MYH2: variants seen among roughly 807,000 people sequenced by gnomAD.
MYH2 encodes the protein myosin-2.
A neutral mutation model predicts 228.1 loss-of-function variants in MYH2; 139 were observed. The observed-to-expected ratio is 0.61, with a 90% CI of 0.53 to 0.70. The LOEUF (loss-of-function observed/expected upper bound fraction) is 0.70. MYH2 is among the 30% of genes least tolerant of loss of function. The probability of loss-of-function intolerance (pLI) is 0.00; values close to 1 mark genes in which losing one functional copy is unlikely to be tolerated. For missense variants in MYH2, 1,809 were observed against 2,357.5 expected, an observed-to-expected ratio of 0.77 and a Z score of 4.82; for synonymous variants, 796 against 871.1, an observed-to-expected ratio of 0.91 and a Z score of 1.52.
intron 22 of MYH2, among the ~76,000 whole-genome samples, 192 bp downstream of exon 22, chr17:10,531,440 GC>G (rs1873433706): frequency 6.6e-6 from 1 of 152,162 alleles, no homozygotes. Context: ...CTACCTCACT[GC>G]CCTGGTGCTG....
In MYH2 at chr17:10,526,805, C is replaced by T; in HGVS notation, c.3991-10G>A. On this transcript the variant is annotated splice_polypyrimidine_tract_variant and intron_variant, in intron 29 of 39. Coordinates refer to ENST00000245503, the MANE Select transcript of MYH2 (RefSeq NM_017534.6). ...CCAGGGCGTTCTTGGCCTATGGAGG[C>T]AGTTACACCTTCATTTTACTGGATA... is the stretch of plus-strand genomic sequence containing the variant. The T allele has an allele frequency of 6.2e-7, 1 of 1,614,252 alleles. No homozygotes were observed. Among genetic ancestry groups the T allele is most frequent in the Non-Finnish European group, 8.5e-7 (1 of 1,180,048 alleles).
Position 10,525,107 on chromosome 17 carries a change from C to T in MYH2, c.4663-42G>A. 6.2e-7 allele frequency: 1 copy of T among 1,614,050 alleles called. No homozygotes were observed. Among genetic ancestry groups the T allele is most frequent in the Non-Finnish European group, 8.5e-7 (1 of 1,180,008 alleles). On this transcript the variant is annotated intron_variant, in intron 33 of 39. Transcript: ENST00000245503. The surrounding 1 kb of genome is among the most constrained non-coding windows in gnomAD (Gnocchi z 4.2). ...GGTGACATTAGCAAGGAACCAAAAG[C>T]TTTATGAAGTTTTTCTGCACAGCAA... is the stretch of plus-strand genomic sequence containing the variant.
At position 10,522,171 on chromosome 17, in the gene MYH2, A is replaced by G. The variant is rs555026379; in HGVS notation, c.5674-739T>C. The stretch of plus-strand genomic sequence containing the variant: ...TTTTCCCATGCTCTTGAACAGCTAC[A>G]TAGCTGGGGGATTATCTGTTCCTTG... On this transcript the variant is annotated intron_variant, in intron 39 of 39. Coordinates refer to ENST00000245503, the MANE Select transcript of MYH2 (RefSeq NM_017534.6). Among the ~76,000 whole-genome samples, 7 of 152,324 alleles carry G rather than the reference A, an allele frequency of 4.6e-5. No homozygotes were observed. The East Asian group carries it at 1.2e-3, about 25-fold the overall frequency.
chr17:10,533,926 G>T (rs9891328), intron 19 of MYH2, among the ~76,000 whole-genome samples: 61 of 152,138 alleles, frequency 4.0e-4, no homozygotes, highest in Non-Finnish European at 7.2e-4. Context: ...AATGTAATCT[G>T]TTATCTTTAC....
Position 10,524,335 on chromosome 17 carries a change from T to C in MYH2, c.5175+131A>G, listed in dbSNP as rs919002986. On this transcript the variant is annotated intron_variant, in intron 35 of 39. Coordinates refer to ENST00000245503, the MANE Select transcript of MYH2 (RefSeq NM_017534.6). This position sits in a 1 kb window ranked among gnomAD's most constrained non-coding sequence, Gnocchi z 4.7. ...TGAAAGATTTCTCAGTAATGCAGAA[T>C]TACTATTCTGTATTATTTGAAAAGA... 8.1e-7 allele frequency: 1 copy of C among 1,229,140 alleles called. No individual in the cohort carries two copies. Among genetic ancestry groups the C allele is most frequent in the African/African-American group, 1.5e-5 (1 of 66,622 alleles). The allele number at this position is 1,229,140 out of a possible 1,614,324, so 76.1% of individuals were successfully genotyped here. A position where few individuals can be genotyped will look rare whatever the true frequency, so the allele number is the denominator to read the frequency against.
In MYH2 at chr17:10,525,337, C is replaced by T. The variant is rs1387552972; in HGVS notation, c.4549G>A (p.Asp1517Asn). 2 of 1,614,002 alleles carry T rather than the reference C, an allele frequency of 1.2e-6. No homozygotes were observed. The highest frequency in any genetic ancestry group is 1.7e-6 in the Non-Finnish European group (2 of 1,180,032). Residue 1517 changes from aspartate (D) to asparagine (N), a missense_variant, in exon 33 of 40, where the codon GAC (aspartate) becomes AAC (asparagine). By Grantham distance (23) the Asp-to-Asn change is conservative (BLOSUM62 1). Coordinates refer to ENST00000245503, the MANE Select transcript of MYH2 (RefSeq NM_017534.6). The surrounding 1 kb of genome is among the most constrained non-coding windows in gnomAD (Gnocchi z 4.2). The stretch of plus-strand genomic sequence containing the variant: ...CCTTCTGCAATCTGTTCCGTGAGGT[C>T]AGAAATCTCCTCTGTTGTTTGAGTA... ...ENKNLQQEIS[D>N]LTEQIAEGGK...
In MYH2 at chr17:10,535,141, C is replaced by T; in HGVS notation, c.2112G>A (p.Val704=). The T allele has an allele frequency of 1.9e-6, 3 of 1,614,154 alleles. No homozygotes were observed. The highest frequency in any genetic ancestry group is 2.5e-6 in the Non-Finnish European group (3 of 1,180,020). Residue 704 remains valine, a synonymous_variant, in exon 19 of 40, where the codon GTG becomes GTA. Coordinates refer to ENST00000245503, the MANE Select transcript of MYH2 (RefSeq NM_017534.6). ...TCCTACAGATGCGGATGCCTTCCAG[C>T]ACACCGTTACACCTCAGCTGGTGGA... ...LVLHQLRCNG[V]LEGIRICRKG...
chr17:10,527,145 C>T, intron 28 of MYH2, 89 bp from the exon 29 acceptor site: 2 of 1,211,162 alleles, frequency 1.7e-6, no homozygotes, highest in South Asian at 2.5e-5. Flanking sequence ...CTCTTATTTT[C>T]CCAAATTGAG....
At chr17:10,536,719 C>T in intron 16 of MYH2, 113 bp from the exon 17 acceptor site, 1 of 948,506 alleles carries the variant, frequency 1.1e-6, no homozygotes, top group Non-Finnish European at 1.6e-6. Context: ...CAGCTGGCCT[C>T]TCTGATTGAG....
Position 10,543,856 on chromosome 17 carries a change from A to G in MYH2, c.648+46T>C, listed in dbSNP as rs760372423. 4 of 1,614,048 alleles carry G rather than the reference A, an allele frequency of 2.5e-6. No individual in the cohort carries two copies. In the South Asian group the frequency reaches 4.4e-5, roughly 18 times the overall value. On this transcript the variant is annotated intron_variant, in intron 7 of 39. Coordinates refer to ENST00000245503, the MANE Select transcript of MYH2 (RefSeq NM_017534.6). Reference sequence around the variant, plus strand: ...CTGGGGCTTGGGAATTTCCTACCTGAGAGTCCCGACAGAGTCTGGATTCTG... The same window carrying G: ...CTGGGGCTTGGGAATTTCCTACCTGGGAGTCCCGACAGAGTCTGGATTCTG...
chr17:10,523,041 T>C (rs750041097), intron 39 of MYH2, 49 bp downstream of exon 39: 3 of 1,312,524 alleles, frequency 2.3e-6, no homozygotes, highest in Non-Finnish European at 3.3e-6. Context: ...CAAGAAGTAG[T>C]AATTATTTAT....
chr17:10,545,408 C>A lies in MYH2; in HGVS notation c.443G>T (p.Arg148Leu), dbSNP rs199911453. 2 of 1,614,082 alleles carry A rather than the reference C, an allele frequency of 1.2e-6. No homozygotes were observed. Among genetic ancestry groups the A allele is most frequent in the East Asian group, 2.2e-5 (1 of 44,870 alleles). ...GAAGATGTGGGGCGGGGCCTCCTGG[C>A]GCTTTTTGCCTCGGTAGGCTGTCAC... ...EVVTAYRGKK[R>L]QEAPPHIFSI... Residue 148 changes from arginine to leucine, a missense_variant, in exon 5 of 40, where the codon CGC (arginine) becomes CTC (leucine). Physicochemically the swap from Arg to Leu is moderately radical, Grantham distance 102 (BLOSUM62 -2). Transcript: ENST00000245503.
intron 2 of MYH2, 51 bp from the exon 3 acceptor site, chr17:10,547,991 C>A (rs2073657187): frequency 6.9e-7 from 1 of 1,451,484 alleles, no homozygotes; most frequent in Non-Finnish European, 9.6e-7. Context: ...CCATGTATAC[C>A]AATAAATCTT....
At position 10,535,259 on chromosome 17, in the gene MYH2, T is replaced by C. The variant is rs769436779; in HGVS notation, c.2062+19A>G. On this transcript the variant is annotated intron_variant, in intron 18 of 39. Coordinates refer to ENST00000245503, the MANE Select transcript of MYH2 (RefSeq NM_017534.6). ...GGTGTGGCAGTCATCCTTTGCACTT[T>C]CATTATGGAATTTCTTACCAGGAGT... 2.4e-5 allele frequency: 38 copies of C among 1,613,852 alleles called. No homozygotes were observed. The highest frequency in any genetic ancestry group is 3.0e-5 in the Non-Finnish European group (35 of 1,179,876).
At chr17:10,532,032 G>A in intron 21 of MYH2, 144 bp from the exon 22 acceptor site, 2 of 1,060,676 alleles carry the variant, frequency 1.9e-6, no homozygotes, top group Non-Finnish European at 2.9e-6. Context: ...TCGGGATGAT[G>A]GTCAAGGTCT....
At chr17:10,528,584 T>C in intron 27 of MYH2, 106 bp downstream of exon 27, 1 of 1,531,394 alleles carries the variant, frequency 6.5e-7, no homozygotes, top group Non-Finnish European at 9.0e-7. Context: ...CTTCCCTGAA[T>C]TACTGCAGTT....
At chr17:10,548,461 A>C (rs2073662085) in intron 2 of MYH2, among the ~76,000 whole-genome samples, 1 of 152,130 alleles carries the variant, frequency 6.6e-6, no homozygotes, top group Admixed American at 6.5e-5. Context: ...TCTTGAATGT[A>C]ATGTAGAAGA....
chr17:10,538,795 A>G (rs2073514020), intron 14 of MYH2, among the ~76,000 whole-genome samples: 1 of 152,196 alleles, frequency 6.6e-6, no homozygotes, highest in South Asian at 2.1e-4. Context: ...CTTGAAAACT[A>G]TAATCAAGAA....
chr17:10,534,752 A>T (rs2142307372), intron 19 of MYH2, among the ~76,000 whole-genome samples: 1 of 152,300 alleles, frequency 6.6e-6, no homozygotes, highest in South Asian at 2.1e-4. Context: ...CCCCATCTGT[A>T]CTAAAAATGC....
Sources: gnomAD v4.1 joint callset for allele counts (sites outside exome capture counted in the v4.1 genomes callset) on GRCh38, gnomAD v4.1.1 for gene constraint, Gnocchi (gnomAD v3.1) non-coding constraint, MANE v1.5 for transcripts, NCBI Gene and HGNC (gene_info 2026-07-23, HGNC 2026-07-21) for gene names.